EIF4EBP2: variants seen among roughly 807,000 people sequenced by gnomAD.
EIF4EBP2 encodes eukaryotic translation initiation factor 4E-binding protein 2.
A neutral mutation model predicts 10.3 loss-of-function variants in EIF4EBP2; 5 were observed. The observed-to-expected ratio is 0.48, with a 90% CI of 0.25 to 1.02. The LOEUF (loss-of-function observed/expected upper bound fraction) is 1.02, where lower values mean the gene tolerates loss of function less well. Ranked by LOEUF, EIF4EBP2 falls within the 50% of genes least tolerant of loss-of-function variation. EIF4EBP2 has a pLI of 0.15. For missense variants in EIF4EBP2, 188 were observed against 162.2 expected, an observed-to-expected ratio of 1.16 and a Z score of -0.86; for synonymous variants, 67 against 61.1, an observed-to-expected ratio of 1.10 and a Z score of -0.45.
rs1564664166 is a variant in EIF4EBP2, at chr10:70,424,492, T to TA, written c.*2746dup. 1 of 152,254 alleles carries TA rather than the reference T, an allele frequency of 6.6e-6. No homozygotes were observed. The highest frequency in any genetic ancestry group is 1.5e-5 in the Non-Finnish European group (1 of 68,052). The allele number at this position is 152,254 out of a possible 1,614,324, so 9.4% of individuals were successfully genotyped here. A position where few individuals can be genotyped will look rare whatever the true frequency, so the allele number is the denominator to read the frequency against. ...ACCTTTGTGTCATGCCTCATGGAAT[T>TA]ATTTTTAGAACAAGCCAGAGTCCAT... On this transcript the variant is annotated 3_prime_UTR_variant, in exon 3 of 3. Transcript: ENST00000373218.
At chr10:70,416,577 CAAA>C (rs370665696) in intron 1 of EIF4EBP2, among the ~76,000 whole-genome samples, 3 of 79,782 alleles carry the variant, frequency 3.8e-5, no homozygotes, top group African/African-American at 9.8e-5. Flanking sequence ...GACTCTGTCT[CAAA>C]AAAAAAAAAA....
At chr10:70,409,345 A>G (rs942936025) in intron 1 of EIF4EBP2, among the ~76,000 whole-genome samples, 2 of 151,852 alleles carry the variant, frequency 1.3e-5, no homozygotes, top group East Asian at 3.9e-4. Flanking sequence ...TGGGGATGAT[A>G]TTTGGTTCTT....
At chr10:70,414,371 C>T (rs1323342467) in intron 1 of EIF4EBP2, among the ~76,000 whole-genome samples, 1 of 152,034 alleles carries the variant, frequency 6.6e-6, no homozygotes, top group East Asian at 1.9e-4. Context: ...CTTATAAATA[C>T]TATACTTTCA....
intron 1 of EIF4EBP2, among the ~76,000 whole-genome samples, chr10:70,410,130 C>T (rs1007338940): frequency 6.6e-6 from 1 of 151,910 alleles, no homozygotes; most frequent in Non-Finnish European, 1.5e-5. Context: ...AGTGCAATGG[C>T]GCCATCTTGG....
Position 70,422,006 on chromosome 10 carries a change from G to A in EIF4EBP2, c.*259G>A, listed in dbSNP as rs754502758. ...CCTTGCTGTATTTCTGTAGAGCTAA[G>A]CAGCCCTTAGAGGAAAACAGTTCAA... On this transcript the variant is annotated 3_prime_UTR_variant, in exon 3 of 3. Transcript: ENST00000373218. The A allele has an allele frequency of 1.1e-4, 51 of 460,938 alleles. No individual in the cohort carries two copies. Among genetic ancestry groups the A allele is most frequent in the Non-Finnish European group, 1.6e-4 (40 of 257,288 alleles). 28.6% of individuals were successfully genotyped at this position (460,938 alleles called of 1,614,324 possible).
chr10:70,411,376 GC>G (rs1287569267), intron 1 of EIF4EBP2, among the ~76,000 whole-genome samples: 14 of 150,862 alleles, frequency 9.3e-5, no homozygotes, highest in Non-Finnish European at 1.2e-4. Flanking sequence ...TTTTTTTCTT[GC>G]CATTTTGCTT....
chr10:70,419,767 C>CAGAG, intron 1 of EIF4EBP2, 147 bp from the exon 2 acceptor site: 1 of 589,912 alleles, frequency 1.7e-6, no homozygotes, highest in Non-Finnish European at 2.8e-6. Context: ...TGTTTACAGG[C>CAGAG]AGAGAGGTTA....
intron 1 of EIF4EBP2, among the ~76,000 whole-genome samples, chr10:70,411,075 CAA>C (rs2137225971): frequency 6.6e-6 from 1 of 152,276 alleles, no homozygotes; most frequent in South Asian, 2.1e-4. Context: ...ACATACATAA[CAA>C]AAATTTCCAT....
In EIF4EBP2 at chr10:70,424,092, G is replaced by A. The variant is rs956085139; in HGVS notation, c.*2345G>A. 1 of 152,190 alleles carries A rather than the reference G, an allele frequency of 6.6e-6. No individual in the cohort carries two copies. The highest frequency in any genetic ancestry group is 2.4e-5 in the African/African-American group (1 of 41,442). The allele number at this position is 152,190 out of a possible 1,614,324, so 9.4% of individuals were successfully genotyped here. On this transcript the variant is annotated 3_prime_UTR_variant, in exon 3 of 3. Coordinates refer to ENST00000373218, the MANE Select transcript of EIF4EBP2 (RefSeq NM_004096.5). Reference sequence around the variant, plus strand: ...CAGCTAGTCAGTCTGTCAGTGAGCAGAAGAGTGAACTCTTCTTGATCTTTA... The same window carrying A: ...CAGCTAGTCAGTCTGTCAGTGAGCAAAAGAGTGAACTCTTCTTGATCTTTA...
At position 70,423,395 on chromosome 10, in the gene EIF4EBP2, C is replaced by G. The variant is rs1337283924; in HGVS notation, c.*1648C>G. 3.3e-5 allele frequency: 5 copies of G among 152,652 alleles called. No homozygotes were observed. The East Asian group carries it at 9.7e-4, about 29-fold the overall frequency. 9.5% of individuals were successfully genotyped at this position (152,652 alleles called of 1,614,324 possible). ...AGAAAGCCTCATTCTTTTCTGTGACCCTTTCGCTTTTGCATTCACCCTCCT... is the reference window on the plus strand; with the variant it reads ...AGAAAGCCTCATTCTTTTCTGTGACGCTTTCGCTTTTGCATTCACCCTCCT... On this transcript the variant is annotated 3_prime_UTR_variant, in exon 3 of 3. Coordinates refer to ENST00000373218, the MANE Select transcript of EIF4EBP2 (RefSeq NM_004096.5).
chr10:70,409,512 A>C (rs1193369164), intron 1 of EIF4EBP2, among the ~76,000 whole-genome samples: 2 of 152,192 alleles, frequency 1.3e-5, no homozygotes, highest in Non-Finnish European at 1.5e-5. Flanking sequence ...TTAGTATTAA[A>C]CAGCTAATTA....
At chr10:70,420,195 G>GT in intron 2 of EIF4EBP2, 96 bp downstream of exon 2, 1 of 1,222,468 alleles carries the variant, frequency 8.2e-7, no homozygotes, top group Admixed American at 2.9e-5. Flanking sequence ...CTTCAGTTTT[G>GT]TTTTTTGTTT....
intron 1 of EIF4EBP2, among the ~76,000 whole-genome samples, chr10:70,413,958 C>T (rs1457996931): frequency 1.3e-5 from 2 of 152,136 alleles, no homozygotes; most frequent in Admixed American, 1.3e-4. Context: ...TTACTTATGG[C>T]TGCATTGGTT....
chr10:70,405,944 A>G (rs1488330229), intron 1 of EIF4EBP2, among the ~76,000 whole-genome samples: 1 of 152,128 alleles, frequency 6.6e-6, no homozygotes, highest in Non-Finnish European at 1.5e-5. Context: ...GGCTTAACTC[A>G]TGGAAGAAAT....
At position 70,424,641 on chromosome 10, in the gene EIF4EBP2, C is replaced by T. The variant is rs531121052; in HGVS notation, c.*2894C>T. 3.3e-5 allele frequency: 5 copies of T among 152,336 alleles called. No homozygotes were observed. Among genetic ancestry groups the T allele is most frequent in the African/African-American group, 9.6e-5 (4 of 41,584 alleles). The allele number at this position is 152,336 out of a possible 1,614,324, so 9.4% of individuals were successfully genotyped here. A position where few individuals can be genotyped will look rare whatever the true frequency, so the allele number is the denominator to read the frequency against. Reference sequence around the variant, plus strand: ...GTTACCACTTTGAGACAGCTCTTAACATCTTAGTGACCATTTGTAGTTTTC... The same window carrying T: ...GTTACCACTTTGAGACAGCTCTTAATATCTTAGTGACCATTTGTAGTTTTC... On this transcript the variant is annotated 3_prime_UTR_variant, in exon 3 of 3. Coordinates refer to ENST00000373218, the MANE Select transcript of EIF4EBP2 (RefSeq NM_004096.5).
Position 70,404,474 on chromosome 10 carries a change from A to G in EIF4EBP2, c.73A>G (p.Ser25Gly), listed in dbSNP as rs1282130717. ...CATCCCCACCCGCACCGTGGCCATC[A>G]GCGACGCCGCGCAGCTACCTCATGA... ...RAIPTRTVAI[S>G]DAAQLPHDYC... The change falls in exon 1 of 3, where the codon AGC becomes GGC. Residue 25 changes from serine (S) to glycine (G), a missense_variant. Ser to Gly is a moderately conservative substitution (Grantham distance 56, BLOSUM62 0). Coordinates refer to ENST00000373218, the MANE Select transcript of EIF4EBP2 (RefSeq NM_004096.5). 1.3e-6 allele frequency: 2 copies of G among 1,599,508 alleles called. No individual in the cohort carries two copies. Among genetic ancestry groups the G allele is most frequent in the Admixed American group, 3.4e-5 (2 of 59,390 alleles).
intron 1 of EIF4EBP2, among the ~76,000 whole-genome samples, chr10:70,417,302 A>T (rs1589147919): frequency 6.6e-6 from 1 of 152,144 alleles, no homozygotes; most frequent in African/African-American, 2.4e-5. Flanking sequence ...AAAACTATAT[A>T]GAGACAGAAA....
chr10:70,410,146 C>T (rs981306687), intron 1 of EIF4EBP2, among the ~76,000 whole-genome samples: 5 of 151,976 alleles, frequency 3.3e-5, no homozygotes, highest in Admixed American at 6.6e-5. Context: ...CTTGGCTCAC[C>T]GCAACCTCCG....
chr10:70,420,452 C>G (rs1845143930), intron 2 of EIF4EBP2, among the ~76,000 whole-genome samples: 2 of 152,182 alleles, frequency 1.3e-5, no homozygotes, highest in African/African-American at 2.4e-5. Flanking sequence ...CCACCTGCCT[C>G]AGCCTCCCAA....
Sources: allele counts gnomAD v4.1 joint callset (sites outside exome capture counted in the v4.1 genomes callset), GRCh38; gene constraint gnomAD v4.1.1; transcripts MANE v1.5; gene names NCBI Gene and HGNC (gene_info 2026-07-23, HGNC 2026-07-21).